The following CCSER1 variants were observed in gnomAD, a reference collection of about 807,000 sequenced individuals.
The protein encoded by CCSER1 is coiled-coil serine rich protein 1, also known as serine-rich coiled-coil domain-containing protein 1.
Under a neutral mutation model 82.0 loss-of-function variants are expected in CCSER1, and 41 were observed. That is an observed-to-expected ratio of 0.50 (90% CI 0.39 to 0.65). CCSER1 has a LOEUF of 0.65. Among genes scored for constraint, CCSER1 ranks in the 30% least tolerant of loss-of-function variants. CCSER1 has a pLI of 0.00. For missense variants in CCSER1, 1,119 were observed against 1,064.2 expected (o/e 1.05, Z -0.72); for synonymous variants, 414 against 383.9 (o/e 1.08, Z -0.92).
At chr4:90,269,152 A>G (rs867009881) in intron 1 of CCSER1, among the ~76,000 whole-genome samples, 2 of 152,126 alleles carry the variant, frequency 1.3e-5, no homozygotes, top group Non-Finnish European at 2.9e-5. Flanking sequence ...AAACTAGCAA[A>G]GAAACATTTA....
At chr4:90,386,529 C>T (rs910038939) in intron 3 of CCSER1, among the ~76,000 whole-genome samples, 3 of 151,974 alleles carry the variant, frequency 2.0e-5, no homozygotes. Flanking sequence ...TATGACCTGA[C>T]CCCATAAAAT....
chr4:90,869,611 T>C (rs1239573830), intron 8 of CCSER1, among the ~76,000 whole-genome samples: 2 of 152,014 alleles, frequency 1.3e-5, no homozygotes, highest in Non-Finnish European at 2.9e-5. Flanking sequence ...TATAGCTTTG[T>C]AGCGTTAAGT....
chr4:90,325,088 G>A (rs1243043197), intron 3 of CCSER1, among the ~76,000 whole-genome samples: 1 of 152,130 alleles, frequency 6.6e-6, no homozygotes, highest in East Asian at 1.9e-4. Flanking sequence ...ATTAAAACCA[G>A]GTACTATGAT....
intron 8 of CCSER1, among the ~76,000 whole-genome samples, chr4:90,866,970 G>A (rs1409850799): frequency 1.3e-5 from 2 of 152,042 alleles, no homozygotes; most frequent in East Asian, 3.9e-4. Context: ...CTTGCCAACT[G>A]CTCACCTCCT....
chr4:90,915,693 G>T (rs548359483), intron 8 of CCSER1, among the ~76,000 whole-genome samples: 2 of 144,596 alleles, frequency 1.4e-5, no homozygotes, highest in Admixed American at 1.4e-4. Context: ...AGAAATAAAG[G>T]GTATTCAATT....
intron 3 of CCSER1, among the ~76,000 whole-genome samples, chr4:90,395,540 G>T (rs1413622016): frequency 1.3e-5 from 2 of 152,014 alleles, no homozygotes; most frequent in African/African-American, 4.8e-5. Flanking sequence ...TCAACTAGAT[G>T]ACTGTTTGGT....
chr4:91,541,787 C>A (rs2110197956), intron 10 of CCSER1, among the ~76,000 whole-genome samples: 1 of 152,166 alleles, frequency 6.6e-6, no homozygotes, highest in South Asian at 2.1e-4. Flanking sequence ...GTTCTAGATC[C>A]CTGAGGAATC....
intron 7 of CCSER1, among the ~76,000 whole-genome samples, chr4:90,807,141 C>T (rs1202468571): frequency 6.6e-6 from 1 of 152,066 alleles, no homozygotes; most frequent in African/African-American, 2.4e-5. Context: ...ACAGAACTAC[C>T]TGGCTAGTTA....
intron 1 of CCSER1, among the ~76,000 whole-genome samples, chr4:90,226,704 C>T (rs6532218): frequency 0.65 from 99,479 of 152,166 alleles, 35,026 homozygotes; most frequent in African/African-American, 0.91. Flanking sequence ...TGTTGAGATA[C>T]GTGACTGTTG....
intron 5 of CCSER1, among the ~76,000 whole-genome samples, chr4:90,580,687 G>A (rs1781331819): frequency 6.6e-6 from 1 of 152,138 alleles, no homozygotes; most frequent in African/African-American, 2.4e-5. Context: ...AGCAACTTTG[G>A]TCTGTTGAGT....
intron 10 of CCSER1, among the ~76,000 whole-genome samples, chr4:91,254,503 A>G (rs1224619806): frequency 6.6e-6 from 1 of 152,172 alleles, no homozygotes; most frequent in East Asian, 1.9e-4. Context: ...TAAAATTATA[A>G]AGGCTGGAAA....
At chr4:91,088,014 T>C (rs1723558010) in intron 10 of CCSER1, among the ~76,000 whole-genome samples, 1 of 152,168 alleles carries the variant, frequency 6.6e-6, no homozygotes, top group South Asian at 2.1e-4. Flanking sequence ...AAGGACCTTG[T>C]GATCTCACTT....
chr4:91,445,182 AT>A (rs1755471929), intron 10 of CCSER1, among the ~76,000 whole-genome samples: 1 of 152,150 alleles, frequency 6.6e-6, no homozygotes, highest in South Asian at 2.1e-4. Flanking sequence ...ACACAAAATA[AT>A]TCCTGTAGGG....
At chr4:90,254,932 A>G (rs964575393) in intron 1 of CCSER1, among the ~76,000 whole-genome samples, 2 of 151,614 alleles carry the variant, frequency 1.3e-5, no homozygotes, top group Non-Finnish European at 2.9e-5. Context: ...AAATATCTGT[A>G]TGTTTTTTAA....
chr4:90,179,911 G>A (rs1181606638), intron 1 of CCSER1, among the ~76,000 whole-genome samples: 1 of 151,894 alleles, frequency 6.6e-6, no homozygotes, highest in Non-Finnish European at 1.5e-5. Flanking sequence ...TGTGCCTATG[G>A]CCTCTTTAAA....
At chr4:90,165,619 T>C (rs896726344) in intron 1 of CCSER1, among the ~76,000 whole-genome samples, 11 of 152,042 alleles carry the variant, frequency 7.2e-5, no homozygotes. Context: ...ATATTATCTA[T>C]TGGAAAAGAC....
chr4:91,188,487 T>A (rs1734748568), intron 10 of CCSER1, among the ~76,000 whole-genome samples: 1 of 152,230 alleles, frequency 6.6e-6, no homozygotes, highest in African/African-American at 2.4e-5. Context: ...GCAAATATGA[T>A]AAAGTTGACC....
At chr4:90,416,208 T>G (rs114289996) in intron 4 of CCSER1, among the ~76,000 whole-genome samples, 2,699 of 152,300 alleles carry the variant, frequency 0.018, 49 homozygotes, top group African/African-American at 0.036. Context: ...TATTTATCAA[T>G]TAAATATTTT....
intron 7 of CCSER1, among the ~76,000 whole-genome samples, chr4:90,785,476 A>AT (rs1676485567): frequency 6.6e-6 from 1 of 152,232 alleles, no homozygotes; most frequent in African/African-American, 2.4e-5. Flanking sequence ...CAGGAATCAT[A>AT]TTTACATTGA....
Sources: allele counts gnomAD v4.1 joint callset (sites outside exome capture counted in the v4.1 genomes callset), GRCh38; gene constraint gnomAD v4.1.1; transcripts MANE v1.5; gene names NCBI Gene and HGNC (gene_info 2026-07-23, HGNC 2026-07-21).